NIBAN1: variants seen among roughly 807,000 people sequenced by gnomAD.
NIBAN1 encodes protein Niban 1.
A neutral mutation model predicts 75.1 loss-of-function variants in NIBAN1; 81 were observed. The ratio of observed to expected loss-of-function variants is 1.08; its 90% CI spans 0.90 to 1.30. The LOEUF (loss-of-function observed/expected upper bound fraction) is 1.30, where lower values mean the gene tolerates loss of function less well. Ranked by LOEUF, NIBAN1 falls within the 50% of genes most tolerant of loss-of-function variation. NIBAN1 has a pLI of 0.00. For missense variants in NIBAN1, 1,133 were observed against 1,128.1 expected, an observed-to-expected ratio of 1.00 and a Z score of -0.06; for synonymous variants, 436 against 424.8, an observed-to-expected ratio of 1.03 and a Z score of -0.32.
In NIBAN1 at chr1:184,794,933, C is replaced by G. The variant is rs581100; in HGVS notation, c.*44G>C. On this transcript the variant is annotated 3_prime_UTR_variant, in exon 14 of 14. Coordinates refer to ENST00000367511, the MANE Select transcript of NIBAN1 (RefSeq NM_052966.4). ...CAACCCCTAAGTGTACCCCTATAACCCTTTGGCTTTTTTCAGAGAAAGACT... is the reference window on the plus strand; with the variant it reads ...CAACCCCTAAGTGTACCCCTATAACGCTTTGGCTTTTTTCAGAGAAAGACT... The G allele has an allele frequency of 0.38, 603,117 of 1,601,274 alleles. 116,003 individuals carry two copies. The highest frequency in any genetic ancestry group is 0.51 in the East Asian group (22,863 of 44,852).
chr1:184,877,149 A>C (rs894674690), intron 5 of NIBAN1, among the ~76,000 whole-genome samples: 5 of 152,216 alleles, frequency 3.3e-5, no homozygotes, highest in Non-Finnish European at 7.3e-5. Context: ...ATGTAATAGA[A>C]TATGTTTAGC....
chr1:184,954,139 C>T (rs1171227236), intron 1 of NIBAN1, among the ~76,000 whole-genome samples: 3 of 152,052 alleles, frequency 2.0e-5, no homozygotes, highest in Non-Finnish European at 2.9e-5. Flanking sequence ...TTATGGAAAT[C>T]GGTGAGTTAG....
chr1:184,957,798 C>G (rs182472019), intron 1 of NIBAN1, among the ~76,000 whole-genome samples: 1 of 152,174 alleles, frequency 6.6e-6, no homozygotes, highest in South Asian at 2.1e-4. Flanking sequence ...AGCGAGTCCT[C>G]AGGAAATTAT....
At chr1:184,804,974 G>C (rs1654153730) in intron 11 of NIBAN1, among the ~76,000 whole-genome samples, 1 of 152,048 alleles carries the variant, frequency 6.6e-6, no homozygotes, top group African/African-American at 2.4e-5. Context: ...ATTTTTAGTA[G>C]AGACGGGGTT....
At chr1:184,841,373 C>T (rs1025110062) in intron 5 of NIBAN1, among the ~76,000 whole-genome samples, 1 of 152,096 alleles carries the variant, frequency 6.6e-6, no homozygotes, top group African/African-American at 2.4e-5. Flanking sequence ...CTCATAAATG[C>T]GAAATATAAC....
At chr1:184,839,664 TGGTTCACTGCAACCTCCACCTCCCG>T (rs1328922113) in intron 5 of NIBAN1, among the ~76,000 whole-genome samples, 1 of 152,000 alleles carries the variant, frequency 6.6e-6, no homozygotes, top group East Asian at 1.9e-4. Context: ...GGCACGATCT[TGGTTCACTGCAACCTCCACCTCCCG>T]GGTTCAAGCG....
chr1:184,810,710 T>C (rs1015777586), intron 9 of NIBAN1, among the ~76,000 whole-genome samples: 1 of 152,194 alleles, frequency 6.6e-6, no homozygotes, highest in East Asian at 1.9e-4. Flanking sequence ...CACCTTACCT[T>C]TTTTGTCTGT....
intron 5 of NIBAN1, among the ~76,000 whole-genome samples, chr1:184,845,507 T>C (rs1312785244): frequency 1.3e-5 from 2 of 152,208 alleles, no homozygotes; most frequent in East Asian, 3.9e-4. Flanking sequence ...ATGCCTGTAA[T>C]TTTAATACTT....
Position 184,813,327 on chromosome 1 carries a change from C to T in NIBAN1, c.1174-5092G>A, listed in dbSNP as rs114406923. Among the ~76,000 whole-genome samples the T allele has an allele frequency of 2.5e-3, 379 of 152,092 alleles. 2 individuals are homozygous for T. Among genetic ancestry groups the T allele is most frequent in the African/African-American group, 8.7e-3 (363 of 41,490 alleles). On this transcript the variant is annotated intron_variant, in intron 9 of 13. Coordinates refer to ENST00000367511, the MANE Select transcript of NIBAN1 (RefSeq NM_052966.4). ...TGAAAGCAAAATAAAAACTATAATACCTTTTAGTTCATTAACTTCAGTAAT... is the reference window on the plus strand; with the variant it reads ...TGAAAGCAAAATAAAAACTATAATATCTTTTAGTTCATTAACTTCAGTAAT...
chr1:184,883,461 C>T (rs1001919045), intron 5 of NIBAN1, among the ~76,000 whole-genome samples: 8 of 152,210 alleles, frequency 5.3e-5, no homozygotes, highest in African/African-American at 1.9e-4. Context: ...GACTGGCTGC[C>T]TTTCCAAGTG....
At chr1:184,796,764 A>T (rs636095) in intron 13 of NIBAN1, among the ~76,000 whole-genome samples, 80,070 of 152,094 alleles carry the variant, frequency 0.53, 22,067 homozygotes, top group African/African-American at 0.69. Context: ...TCAAAGACAG[A>T]ACAGATTTGT....
At chr1:184,890,606 A>T (rs767206330) in intron 3 of NIBAN1, among the ~76,000 whole-genome samples, 3 of 152,208 alleles carry the variant, frequency 2.0e-5, no homozygotes, top group Non-Finnish European at 4.4e-5. Flanking sequence ...CAAATACTGC[A>T]CAGAATGCTT....
chr1:184,954,832 C>G (rs1368730146), intron 1 of NIBAN1, among the ~76,000 whole-genome samples: 1 of 152,160 alleles, frequency 6.6e-6, no homozygotes, highest in Non-Finnish European at 1.5e-5. Context: ...CAGATGAGAA[C>G]AGCTCATTCA....
rs774518216 is a variant in NIBAN1 at position 184,884,801 on chromosome 1, C to A, written c.434-1G>T. 6.8e-6 allele frequency: 11 copies of A among 1,612,664 alleles called. No homozygotes were observed. The highest frequency in any genetic ancestry group is 9.3e-6 in the Non-Finnish European group (11 of 1,179,492). On this transcript the variant is annotated splice_acceptor_variant, in intron 4 of 13. Coordinates refer to ENST00000367511, the MANE Select transcript of NIBAN1 (RefSeq NM_052966.4). LOFTEE classifies it high-confidence loss of function. ...TGAGTGTTCTCCTTCTCACTGGAGG[C>A]TAAAGAAATATTGAAAACACAAATA...
At chr1:184,840,124 G>A (rs892213114) in intron 5 of NIBAN1, among the ~76,000 whole-genome samples, 2 of 151,992 alleles carry the variant, frequency 1.3e-5, no homozygotes, top group African/African-American at 4.8e-5. Flanking sequence ...CTAATGAAAT[G>A]GTAATAAAAG....
intron 1 of NIBAN1, among the ~76,000 whole-genome samples, chr1:184,910,098 C>T (rs1158414835): frequency 6.6e-6 from 1 of 152,086 alleles, no homozygotes; most frequent in East Asian, 1.9e-4. Flanking sequence ...AATAAATGTG[C>T]TGGAATCTCA....
At chr1:184,965,662 G>C (rs961223115) in intron 1 of NIBAN1, among the ~76,000 whole-genome samples, 2 of 152,176 alleles carry the variant, frequency 1.3e-5, no homozygotes, top group African/African-American at 4.8e-5. Flanking sequence ...AACGGTGGAG[G>C]GGAGAGGGAG....
At chr1:184,926,452 G>T (rs905979932) in intron 1 of NIBAN1, among the ~76,000 whole-genome samples, 5 of 152,118 alleles carry the variant, frequency 3.3e-5, no homozygotes, top group African/African-American at 1.2e-4. Flanking sequence ...TGGCCAGGCT[G>T]GTCTTGAACT....
intron 1 of NIBAN1, among the ~76,000 whole-genome samples, chr1:184,903,733 C>CT (rs368105582): frequency 0.041 from 4,084 of 99,908 alleles, 265 homozygotes; most frequent in African/African-American, 0.088. Context: ...CCGATTAAAC[C>CT]TTTTTTTTTT....
Sources: allele counts gnomAD v4.1 joint callset (sites outside exome capture counted in the v4.1 genomes callset), GRCh38; gene constraint gnomAD v4.1.1; transcripts MANE v1.5; gene names NCBI Gene and HGNC (gene_info 2026-07-23, HGNC 2026-07-21).